Variants in CWF19L2 observed in about 807,000 individuals in gnomAD.
CWF19L2 encodes the protein CWF19-like protein 2.
CWF19L2 carries 98 observed loss-of-function variants against 111.7 expected under a neutral mutation model. The ratio of observed to expected loss-of-function variants is 0.88; its 90% CI spans 0.75 to 1.04. The LOEUF is 1.04. Among genes scored for constraint, CWF19L2 ranks in the 50% least tolerant of loss-of-function variants. The probability of loss-of-function intolerance (pLI) is 0.00; values close to 1 mark genes in which losing one functional copy is unlikely to be tolerated. For synonymous variants in CWF19L2, 351 were observed against 342.9 expected, an observed-to-expected ratio of 1.02 and a Z score of -0.26; for missense variants, 1,101 against 1,051.4, an observed-to-expected ratio of 1.05 and a Z score of -0.65.
At chr11:107,395,325 A>T (rs1860906879) in intron 10 of CWF19L2, among the ~76,000 whole-genome samples, 2 of 152,178 alleles carry the variant, frequency 1.3e-5, no homozygotes, top group African/African-American at 4.8e-5. Flanking sequence ...AGCCATGTGG[A>T]ACTGTAAGTC....
intron 12 of CWF19L2, among the ~76,000 whole-genome samples, chr11:107,353,945 T>C (rs1298453525): frequency 6.6e-6 from 1 of 152,238 alleles, no homozygotes; most frequent in Non-Finnish European, 1.5e-5. Flanking sequence ...ATATTTACTA[T>C]ATACAATTCT....
At chr11:107,348,191 T>C (rs765898615) in intron 14 of CWF19L2, among the ~76,000 whole-genome samples, 3 of 152,156 alleles carry the variant, frequency 2.0e-5, no homozygotes, top group Non-Finnish European at 4.4e-5. Flanking sequence ...GACATACTTA[T>C]CAGCATGCTG....
chr11:107,384,287 G>C (rs1860733757), intron 12 of CWF19L2, among the ~76,000 whole-genome samples: 1 of 152,102 alleles, frequency 6.6e-6, no homozygotes. Flanking sequence ...GAATTGTTTT[G>C]GATTTTAAAA....
At chr11:107,453,997 A>G (rs978000019) in intron 3 of CWF19L2, among the ~76,000 whole-genome samples, 1 of 152,092 alleles carries the variant, frequency 6.6e-6, no homozygotes, top group Non-Finnish European at 1.5e-5. Flanking sequence ...GTTCAATAGA[A>G]CACCAGGTAC....
intron 10 of CWF19L2, among the ~76,000 whole-genome samples, chr11:107,411,041 T>G (rs995101579): frequency 6.6e-6 from 1 of 151,720 alleles, no homozygotes; most frequent in African/African-American, 2.4e-5. Context: ...ATCTCAGGCT[T>G]AGGTCTATGC....
chr11:107,403,597 G>A, intron 10 of CWF19L2: 1 of 786,410 alleles, frequency 1.3e-6, no homozygotes, highest in East Asian at 2.5e-5. Context: ...TTTCTTCAAG[G>A]TGTGTCTTCT....
chr11:107,358,339 G>C (rs1159754966), intron 12 of CWF19L2, among the ~76,000 whole-genome samples: 1 of 138,298 alleles, frequency 7.2e-6, no homozygotes, highest in African/African-American at 2.9e-5. Context: ...GATAACTGAT[G>C]AGCTAAAAAA....
At chr11:107,452,327 A>G (rs528673026) in intron 3 of CWF19L2, among the ~76,000 whole-genome samples, 148 of 152,156 alleles carry the variant, frequency 9.7e-4, no homozygotes, top group Non-Finnish European at 1.5e-3. Flanking sequence ...TTCTATAATT[A>G]CATACTAGCT....
At chr11:107,360,583 C>A (rs1227840919) in intron 12 of CWF19L2, among the ~76,000 whole-genome samples, 2 of 152,156 alleles carry the variant, frequency 1.3e-5, no homozygotes, top group Non-Finnish European at 2.9e-5. Context: ...AGAGGCCGTA[C>A]CAATTTACAT....
chr11:107,352,467 T>C (rs1163108686), intron 13 of CWF19L2, among the ~76,000 whole-genome samples: 3 of 152,162 alleles, frequency 2.0e-5, no homozygotes, highest in African/African-American at 7.2e-5. Flanking sequence ...TACCAAGCAG[T>C]TTTTTGTTTC....
At chr11:107,328,352 C>T (rs1244041377) in intron 17 of CWF19L2, among the ~76,000 whole-genome samples, 1 of 152,092 alleles carries the variant, frequency 6.6e-6, no homozygotes, top group South Asian at 2.1e-4. Flanking sequence ...TAAAAGTTTA[C>T]CTAAAATTGT....
chr11:107,420,537 CCT>C (rs1440272383), intron 8 of CWF19L2, among the ~76,000 whole-genome samples: 2 of 151,962 alleles, frequency 1.3e-5, no homozygotes, highest in African/African-American at 4.8e-5. Context: ...AATTTCAATA[CCT>C]CTCTCTCAAT....
In CWF19L2 at chr11:107,451,183, A is replaced by T. The variant is rs148841849; in HGVS notation, c.339+3267T>A. 4.4e-3 allele frequency among the ~76,000 whole-genome samples: 665 copies of T among 152,230 alleles called. 4 individuals are homozygous for T. Among genetic ancestry groups the T allele is most frequent in the African/African-American group, 0.015 (623 of 41,576 alleles). ...AAAATCAAAGTCAATAACCCAAAAA[A>T]AAACTAGAAAAATCCACAAATATCT... is the stretch of plus-strand genomic sequence containing the variant. On this transcript the variant is annotated intron_variant, in intron 3 of 17. Transcript: ENST00000282251.
chr11:107,391,952 G>C (rs1027307659), intron 11 of CWF19L2, among the ~76,000 whole-genome samples: 3 of 152,004 alleles, frequency 2.0e-5, no homozygotes, highest in African/African-American at 7.2e-5. Flanking sequence ...AACTCAAAAA[G>C]GGCCCTCAAT....
rs1281884204 is a variant in CWF19L2, at chr11:107,441,587, A to C, written c.486T>G (p.Val162=). The C allele has an allele frequency of 6.5e-7, 1 of 1,545,498 alleles. No homozygotes were observed. Among genetic ancestry groups the C allele is most frequent in the Admixed American group, 2.0e-5 (1 of 49,320 alleles). ...DEWMTVDFMS[V]KTVSSSSLKA... is the part of the protein sequence containing the mutation. ...TGAGTGATGATGATGACACAGTTTT[A>C]ACAGACATAAAATCAACAGTCATCC... is the stretch of plus-strand genomic sequence containing the variant. The change falls in exon 5 of 18, where the codon GTT becomes GTG. Residue 162 remains valine (V), a synonymous_variant. Coordinates refer to ENST00000282251, the MANE Select transcript of CWF19L2 (RefSeq NM_152434.3).
At chr11:107,372,166 T>C (rs1389930998) in intron 12 of CWF19L2, among the ~76,000 whole-genome samples, 1 of 134,756 alleles carries the variant, frequency 7.4e-6, no homozygotes, top group African/African-American at 3.0e-5. Context: ...GAGCCAATCA[T>C]ATGAGACTTA....
intron 7 of CWF19L2, among the ~76,000 whole-genome samples, chr11:107,430,340 T>A (rs1432965363): frequency 6.6e-6 from 1 of 152,062 alleles, no homozygotes; most frequent in East Asian, 1.9e-4. Context: ...TGTTCATCCA[T>A]AATAATAAGT....
chr11:107,335,618 T>A (rs1380456002), intron 15 of CWF19L2, among the ~76,000 whole-genome samples: 1 of 152,162 alleles, frequency 6.6e-6, no homozygotes, highest in Non-Finnish European at 1.5e-5. Flanking sequence ...AAAATAAGAA[T>A]TTTTTAAAAT....
chr11:107,335,089 G>A (rs575351435), intron 15 of CWF19L2, 128 bp from the exon 16 acceptor site: 1 of 550,658 alleles, frequency 1.8e-6, no homozygotes, highest in East Asian at 3.0e-5. Context: ...ATTCTGAACT[G>A]ATTAAGGCTT....
Sources: allele counts gnomAD v4.1 joint callset (sites outside exome capture counted in the v4.1 genomes callset), GRCh38; gene constraint gnomAD v4.1.1; transcripts MANE v1.5; gene names NCBI Gene and HGNC (gene_info 2026-07-23, HGNC 2026-07-21).